The following GPD2 variants were observed in gnomAD, a reference collection of about 807,000 sequenced individuals.
GPD2 encodes glycerol-3-phosphate dehydrogenase, mitochondrial.
GPD2 carries 54 observed loss-of-function variants against 82.4 expected under a neutral mutation model. That is an observed-to-expected ratio of 0.66 (90% CI 0.53 to 0.82). The LOEUF (loss-of-function observed/expected upper bound fraction) is 0.82. Among genes scored for constraint, GPD2 ranks in the 40% least tolerant of loss-of-function variants. The pLI, the probability that GPD2 is intolerant of heterozygous loss-of-function variation, is 0.00. For missense variants in GPD2, 748 were observed against 896.2 expected, an observed-to-expected ratio of 0.83 and a Z score of 2.11; for synonymous variants, 288 against 306.1, an observed-to-expected ratio of 0.94 and a Z score of 0.62.
chr2:156,479,103 T>A (rs1683628384), intron 2 of GPD2, among the ~76,000 whole-genome samples: 2 of 152,202 alleles, frequency 1.3e-5, no homozygotes, highest in East Asian at 3.8e-4. Context: ...TGTTAAAACA[T>A]TTTTGGTGAT....
chr2:156,574,714 C>T (rs1267185163), intron 13 of GPD2, among the ~76,000 whole-genome samples: 1 of 151,470 alleles, frequency 6.6e-6, no homozygotes, highest in Non-Finnish European at 1.5e-5. Flanking sequence ...GCCAAGTGCT[C>T]AACAATGAAA....
chr2:156,553,275 C>T (rs924515958), intron 8 of GPD2, among the ~76,000 whole-genome samples: 2 of 151,988 alleles, frequency 1.3e-5, no homozygotes, highest in Non-Finnish European at 2.9e-5. Context: ...TGCTGTATCC[C>T]CAGCTATTGG....
intron 1 of GPD2, among the ~76,000 whole-genome samples, chr2:156,445,617 C>A (rs1255556183): frequency 6.6e-6 from 1 of 152,208 alleles, no homozygotes; most frequent in Non-Finnish European, 1.5e-5. Context: ...AACTTGGTAT[C>A]AGTCTTCTTT....
intron 1 of GPD2, among the ~76,000 whole-genome samples, chr2:156,441,011 G>A (rs1682148663): frequency 6.6e-6 from 1 of 152,158 alleles, no homozygotes; most frequent in Admixed American, 6.6e-5. Context: ...CCAGACCTCC[G>A]GGGAGAGGAG....
At chr2:156,405,660 T>G in the GPD2 span, among the ~76,000 whole-genome samples, 1 of 152,174 alleles carries the variant, frequency 6.6e-6, no homozygotes, top group Non-Finnish European at 1.5e-5. Flanking sequence ...GATTTCATTA[T>G]CCACGTGATC....
chr2:156,576,968 A>C (rs1452510646), intron 13 of GPD2, among the ~76,000 whole-genome samples: 1 of 152,180 alleles, frequency 6.6e-6, no homozygotes, highest in Non-Finnish European at 1.5e-5. Context: ...CCAGTGAAAA[A>C]TGTCCTTGGA....
Position 156,530,707 on chromosome 2 carries a change from A to G in GPD2, c.661+17211A>G, listed in dbSNP as rs575376522. On this transcript the variant is annotated intron_variant, in intron 6 of 16. Transcript: ENST00000438166. Reference sequence around the variant, plus strand: ...AGATAATCATGTGGTTTTTGTCTTTAGTTCTGTTTATATGCTGGATTACAT... The same window carrying G: ...AGATAATCATGTGGTTTTTGTCTTTGGTTCTGTTTATATGCTGGATTACAT... Among the ~76,000 whole-genome samples the G allele has an allele frequency of 1.8e-3, 269 of 152,138 alleles. 1 individual carries two copies. Among genetic ancestry groups the G allele is most frequent in the African/African-American group, 6.1e-3 (254 of 41,506 alleles).
At chr2:156,488,767 GTC>G (rs1558923722) in intron 2 of GPD2, among the ~76,000 whole-genome samples, 1 of 152,008 alleles carries the variant, frequency 6.6e-6, no homozygotes, top group East Asian at 1.9e-4. Context: ...GTTCATGTGA[GTC>G]TCTTGACAAA....
chr2:156,458,897 T>C (rs1682880812), intron 1 of GPD2, among the ~76,000 whole-genome samples: 2 of 152,172 alleles, frequency 1.3e-5, no homozygotes, highest in Admixed American at 1.3e-4. Context: ...TAAAAATGAT[T>C]CATAATACTA....
At position 156,445,096 on chromosome 2, in the gene GPD2, A is replaced by C. The variant is rs184774195; in HGVS notation, c.-9+8583A>C. ...GGAAGGAGTTTAGCAATTTAACCTA[A>C]CGTGGTCTTTTTCTTATTAATAATA... On this transcript the variant is annotated intron_variant, in intron 1 of 16. Coordinates refer to ENST00000438166, the MANE Select transcript of GPD2 (RefSeq NM_000408.5). 6.0e-4 allele frequency among the ~76,000 whole-genome samples: 91 copies of C among 152,238 alleles called. 1 individual carries two copies. The highest frequency in any genetic ancestry group is 2.0e-3 in the African/African-American group (85 of 41,518).
the GPD2 span, among the ~76,000 whole-genome samples, chr2:156,417,983 G>A: frequency 4.6e-5 from 7 of 152,266 alleles, no homozygotes; most frequent in African/African-American, 1.4e-4. Flanking sequence ...TTGGGAGGCC[G>A]AGGTGGGCGG....
At chr2:156,550,778 C>A in intron 8 of GPD2, 32 bp downstream of exon 8, 1 of 1,585,018 alleles carries the variant, frequency 6.3e-7, no homozygotes, top group Non-Finnish European at 8.7e-7. Context: ...AGTTGTCACC[C>A]AAAAAAGAGG....
At chr2:156,533,386 C>G (rs1034743120) in intron 6 of GPD2, among the ~76,000 whole-genome samples, 2 of 152,120 alleles carry the variant, frequency 1.3e-5, no homozygotes, top group Non-Finnish European at 2.9e-5. Flanking sequence ...TTGAATTCTC[C>G]CTTGTGTTTC....
intron 2 of GPD2, among the ~76,000 whole-genome samples, chr2:156,495,378 A>G (rs930838635): frequency 1.3e-5 from 2 of 152,194 alleles, no homozygotes; most frequent in African/African-American, 2.4e-5. Context: ...GTAATGGTAT[A>G]TTTATATTAC....
the GPD2 span, among the ~76,000 whole-genome samples, chr2:156,400,807 T>C: frequency 6.6e-6 from 1 of 152,346 alleles, no homozygotes; most frequent in East Asian, 1.9e-4. Context: ...GCTTCGCATG[T>C]GTGAGGTCCC....
chr2:156,492,527 T>C (rs1415901841), intron 2 of GPD2, among the ~76,000 whole-genome samples: 1 of 151,766 alleles, frequency 6.6e-6, no homozygotes, highest in Non-Finnish European at 1.5e-5. Context: ...AAAGCTATAT[T>C]CAGTTGGAAG....
chr2:156,496,002 C>T (rs949316593), intron 2 of GPD2, 42 bp from the exon 3 acceptor site: 1 of 1,494,136 alleles, frequency 6.7e-7, no homozygotes, highest in Non-Finnish European at 9.3e-7. Flanking sequence ...GTTAAATTGA[C>T]ATTCCAAATG....
chr2:156,495,263 C>G (rs1331167898), intron 2 of GPD2, among the ~76,000 whole-genome samples: 1 of 152,104 alleles, frequency 6.6e-6, no homozygotes, highest in Non-Finnish European at 1.5e-5. Flanking sequence ...GTGGCAGATT[C>G]ACCTGAACGT....
At chr2:156,438,301 T>C (rs1307877876) in intron 1 of GPD2, among the ~76,000 whole-genome samples, 1 of 152,210 alleles carries the variant, frequency 6.6e-6, no homozygotes, top group Non-Finnish European at 1.5e-5. Context: ...ATAAATGCTA[T>C]GACGTGTGTA....
Sources: gnomAD v4.1 joint callset for allele counts (sites outside exome capture counted in the v4.1 genomes callset) on GRCh38, gnomAD v4.1.1 for gene constraint, MANE v1.5 for transcripts, NCBI Gene and HGNC (gene_info 2026-07-23, HGNC 2026-07-21) for gene names.